The following PLCL1 variants were observed in gnomAD, a reference collection of about 807,000 sequenced individuals.
PLCL1 encodes the protein phospholipase C like 1 (inactive).
In PLCL1, 41 loss-of-function variants were observed where a neutral mutation model predicts 84.4. The observed-to-expected ratio is 0.49, with a 90% CI of 0.38 to 0.63. The LOEUF (loss-of-function observed/expected upper bound fraction) is 0.63. Among genes scored for constraint, PLCL1 ranks in the 30% least tolerant of loss-of-function variants. The pLI, the probability that PLCL1 is intolerant of heterozygous loss-of-function variation, is 0.00. For missense variants in PLCL1, 1,206 were observed against 1,367.8 expected (o/e 0.88, Z 1.87); for synonymous variants, 490 against 488.3 (o/e 1.00, Z -0.05).
At chr2:197,897,173 T>TCAC (rs1688160795) in intron 1 of PLCL1, among the ~76,000 whole-genome samples, 1 of 51,756 alleles carries the variant, frequency 1.9e-5, no homozygotes, top group Admixed American at 1.9e-4. Context: ...TTCTTCTTCT[T>TCAC]CTTCTTCTTC....
chr2:197,845,063 G>A (rs1035257913), intron 1 of PLCL1, among the ~76,000 whole-genome samples: 1 of 152,054 alleles, frequency 6.6e-6, no homozygotes, highest in Non-Finnish European at 1.5e-5. Flanking sequence ...ATAGGTTCTA[G>A]TAGATTAACA....
chr2:198,148,411 T>G lies in PLCL1; in HGVS notation c.*1449T>G, dbSNP rs370281944. 2.0e-5 allele frequency: 3 copies of G among 152,436 alleles called. No homozygotes were observed. In the East Asian group the frequency reaches 5.6e-4, roughly 29 times the overall value. 9.4% of individuals were successfully genotyped at this position (152,436 alleles called of 1,614,324 possible). ...AGTAAAGATATGAAAAAAACACTTATTGTTTTCTTTTATTGTGAATTGAAA... is the reference window on the plus strand; with the variant it reads ...AGTAAAGATATGAAAAAAACACTTAGTGTTTTCTTTTATTGTGAATTGAAA... On this transcript the variant is annotated 3_prime_UTR_variant, in exon 6 of 6. Transcript: ENST00000428675.
chr2:198,143,789 T>C (rs909815075), intron 5 of PLCL1, among the ~76,000 whole-genome samples: 52 of 152,104 alleles, frequency 3.4e-4, no homozygotes, highest in African/African-American at 1.3e-3. Flanking sequence ...CTGCTATTCC[T>C]CCTTCATAAA....
rs759765821 is a variant in PLCL1 at position 198,101,356 on chromosome 2, A to G, written c.2991A>G (p.Lys997=). Residue 997 remains lysine, a synonymous_variant, in exon 4 of 6, where the codon AAA becomes AAG. Coordinates refer to ENST00000428675, the MANE Select transcript of PLCL1 (RefSeq NM_006226.4). ...TVQEKIVQCQ[K]AGMEFHEELH... Reference sequence around the variant, plus strand: ...AGGAAAAGATTGTACAGTGTCAGAAAGCAGGTAATTGTTTTTAATTTTTTT... The same window carrying G: ...AGGAAAAGATTGTACAGTGTCAGAAGGCAGGTAATTGTTTTTAATTTTTTT... 1.3e-6 allele frequency: 2 copies of G among 1,519,982 alleles called. No individual in the cohort carries two copies. The highest frequency in any genetic ancestry group is 1.8e-6 in the Non-Finnish European group (2 of 1,112,938). The allele number at this position is 1,519,982 out of a possible 1,614,324, so 94.2% of individuals were successfully genotyped here.
chr2:197,901,404 G>T (rs890027156), intron 1 of PLCL1, among the ~76,000 whole-genome samples: 1 of 152,134 alleles, frequency 6.6e-6, no homozygotes, highest in Non-Finnish European at 1.5e-5. Context: ...CAGGACAAAG[G>T]GATCACTACC....
At chr2:197,976,627 T>C (rs1216400766) in intron 1 of PLCL1, among the ~76,000 whole-genome samples, 1 of 152,146 alleles carries the variant, frequency 6.6e-6, no homozygotes, top group Non-Finnish European at 1.5e-5. Context: ...TTTTGTATTT[T>C]TAGTGGAGAT....
intron 1 of PLCL1, among the ~76,000 whole-genome samples, chr2:197,990,851 C>G (rs1690332848): frequency 6.6e-6 from 1 of 152,084 alleles, no homozygotes; most frequent in Non-Finnish European, 1.5e-5. Context: ...AATGTAGAGT[C>G]TGGATAAAAC....
chr2:198,024,678 G>A lies in PLCL1; in HGVS notation c.241-59080G>A, dbSNP rs531712127. ...CTCCAGAGGCTAAGGCAAGAGAATCGCATGAACCCAGGAGGCAGAGGTTGC... is the reference window on the plus strand; with the variant it reads ...CTCCAGAGGCTAAGGCAAGAGAATCACATGAACCCAGGAGGCAGAGGTTGC... On this transcript the variant is annotated intron_variant, in intron 1 of 5. Transcript: ENST00000428675. Among the ~76,000 whole-genome samples the A allele has an allele frequency of 6.6e-5, 10 of 151,892 alleles. No individual in the cohort carries two copies. In the South Asian group the frequency reaches 2.1e-3, roughly 32 times the overall value.
At chr2:198,086,270 C>T in intron 2 of PLCL1, 38 bp downstream of exon 2, 1 of 1,316,610 alleles carries the variant, frequency 7.6e-7, no homozygotes, top group Non-Finnish European at 1.1e-6. Context: ...CCTATCCCTG[C>T]TTATTCCTAC....
chr2:197,953,401 G>GC (rs944899193), intron 1 of PLCL1, among the ~76,000 whole-genome samples: 2 of 152,012 alleles, frequency 1.3e-5, no homozygotes, highest in African/African-American at 2.4e-5. Flanking sequence ...ACCTCTGGAA[G>GC]CCCCCCATGG....
chr2:197,898,093 G>A (rs187460601), intron 1 of PLCL1, among the ~76,000 whole-genome samples: 16 of 152,340 alleles, frequency 1.1e-4, no homozygotes, highest in Non-Finnish European at 1.6e-4. Context: ...GTACAGCTGA[G>A]CTGAGTTGTA....
chr2:198,020,887 A>T (rs1355499870), intron 1 of PLCL1, among the ~76,000 whole-genome samples: 1 of 152,210 alleles, frequency 6.6e-6, no homozygotes, highest in Admixed American at 6.5e-5. Context: ...TCAGCTCTAG[A>T]CCAAGCAGAC....
chr2:198,137,149 CA>C (rs1402348622), intron 5 of PLCL1, among the ~76,000 whole-genome samples: 9 of 151,668 alleles, frequency 5.9e-5, no homozygotes, highest in South Asian at 2.1e-4. Context: ...TAAAAAAACA[CA>C]AAAAAACAAA....
At chr2:198,083,191 CA>C (rs1189379603) in intron 1 of PLCL1, among the ~76,000 whole-genome samples, 14 of 152,148 alleles carry the variant, frequency 9.2e-5, no homozygotes, top group African/African-American at 3.4e-4. Flanking sequence ...AAAATTTGCT[CA>C]AATGAGAGTG....
intron 1 of PLCL1, among the ~76,000 whole-genome samples, chr2:198,033,063 G>C (rs1691463386): frequency 6.6e-6 from 1 of 152,170 alleles, no homozygotes; most frequent in Admixed American, 6.5e-5. Context: ...GCTTCTGAAT[G>C]AAGTTGAAAA....
chr2:197,885,048 T>A (rs1687893608), intron 1 of PLCL1, among the ~76,000 whole-genome samples: 1 of 152,168 alleles, frequency 6.6e-6, no homozygotes, highest in Non-Finnish European at 1.5e-5. Context: ...CAGGTTCTCA[T>A]GCTCCAGCCA....
chr2:197,908,286 T>G (rs1688420831), intron 1 of PLCL1, among the ~76,000 whole-genome samples: 1 of 152,234 alleles, frequency 6.6e-6, no homozygotes, highest in Admixed American at 6.5e-5. Flanking sequence ...AGGAATGTAT[T>G]CTCTATTGCT....
chr2:198,079,860 C>A (rs969036674), intron 1 of PLCL1, among the ~76,000 whole-genome samples: 1 of 152,154 alleles, frequency 6.6e-6, no homozygotes, highest in East Asian at 1.9e-4. Flanking sequence ...TTGGACTCAA[C>A]TACAATATGA....
intron 1 of PLCL1, among the ~76,000 whole-genome samples, chr2:197,909,566 G>A (rs1313381214): frequency 6.6e-6 from 1 of 152,134 alleles, no homozygotes; most frequent in Non-Finnish European, 1.5e-5. Context: ...TGACTTTGCA[G>A]AGATGAATCA....
Sources: gnomAD v4.1 joint callset for allele counts (sites outside exome capture counted in the v4.1 genomes callset) on GRCh38, gnomAD v4.1.1 for gene constraint, MANE v1.5 for transcripts, NCBI Gene and HGNC (gene_info 2026-07-23, HGNC 2026-07-21) for gene names.